Variants in ITPR2 observed in about 807,000 individuals in gnomAD.
ITPR2 encodes inositol 1,4,5-trisphosphate-gated calcium channel ITPR2.
Under a neutral mutation model 317.1 loss-of-function variants are expected in ITPR2, and 207 were observed. The ratio of observed to expected loss-of-function variants is 0.65; its 90% CI spans 0.58 to 0.73. The LOEUF (loss-of-function observed/expected upper bound fraction) is 0.73, where lower values mean the gene tolerates loss of function less well. Among genes scored for constraint, ITPR2 ranks in the 30% least tolerant of loss-of-function variants. The pLI is 0.00. For synonymous variants in ITPR2, 1,156 were observed against 1,149.1 expected (o/e 1.01, Z -0.12); for missense variants, 2,613 against 3,284.0 (o/e 0.80, Z 4.99).
At chr12:26,653,859 T>A in intron 21 of ITPR2, 117 bp downstream of exon 21, 2 of 738,218 alleles carry the variant, frequency 2.7e-6, no homozygotes, top group South Asian at 1.8e-5. Flanking sequence ...AGGAATTGTG[T>A]TCATATGCAC....
chr12:26,675,016 A>G (rs537456583), intron 13 of ITPR2, among the ~76,000 whole-genome samples: 1 of 152,354 alleles, frequency 6.6e-6, no homozygotes, highest in Non-Finnish European at 1.5e-5. Context: ...CACACCAGTT[A>G]GAATGGCAAT....
At chr12:26,344,119 C>T (rs1004535487) in intron 55 of ITPR2, among the ~76,000 whole-genome samples, 13 of 152,046 alleles carry the variant, frequency 8.6e-5, no homozygotes, top group Non-Finnish European at 5.9e-5. Flanking sequence ...AGCAAGAAGG[C>T]CCTCACCAGA....
chr12:26,679,839 G>A (rs917776422), intron 13 of ITPR2, among the ~76,000 whole-genome samples: 2 of 151,914 alleles, frequency 1.3e-5, no homozygotes, highest in Non-Finnish European at 2.9e-5. Context: ...AAGTCCAAAT[G>A]TTCAGGCTAT....
intron 34 of ITPR2, among the ~76,000 whole-genome samples, chr12:26,577,325 G>A (rs759768336): frequency 3.3e-5 from 5 of 152,244 alleles, no homozygotes; most frequent in Non-Finnish European, 7.3e-5. Flanking sequence ...CTGAGGTGAG[G>A]AGGGTATGTG....
intron 37 of ITPR2, among the ~76,000 whole-genome samples, chr12:26,540,438 C>A (rs1281037176): frequency 6.6e-6 from 1 of 152,022 alleles, no homozygotes; most frequent in African/African-American, 2.4e-5. Flanking sequence ...GTTCCTTATT[C>A]TCTTCTCCTT....
intron 45 of ITPR2, among the ~76,000 whole-genome samples, chr12:26,466,105 A>C (rs1942164520): frequency 6.6e-6 from 1 of 152,198 alleles, no homozygotes; most frequent in South Asian, 2.1e-4. Context: ...CTATAAGGTG[A>C]ATATAATATC....
At chr12:26,458,713 A>C (rs1463846587) in intron 45 of ITPR2, among the ~76,000 whole-genome samples, 2 of 152,250 alleles carry the variant, frequency 1.3e-5, no homozygotes, top group African/African-American at 4.8e-5. Context: ...AAAACTACAA[A>C]GACATGAGTT....
intron 21 of ITPR2, among the ~76,000 whole-genome samples, chr12:26,653,593 C>G (rs1947307413): frequency 6.6e-6 from 1 of 152,186 alleles, no homozygotes; most frequent in African/African-American, 2.4e-5. Flanking sequence ...AATCTATTCT[C>G]TCTTTGACAC....
At chr12:26,445,272 A>G (rs1941581098) in intron 45 of ITPR2, among the ~76,000 whole-genome samples, 1 of 152,192 alleles carries the variant, frequency 6.6e-6, no homozygotes, top group Non-Finnish European at 1.5e-5. Flanking sequence ...GGTTTTGGAC[A>G]TATGAAGCTT....
chr12:26,729,482 T>C (rs1389584446), intron 2 of ITPR2, among the ~76,000 whole-genome samples: 3 of 152,170 alleles, frequency 2.0e-5, no homozygotes, highest in Non-Finnish European at 2.9e-5. Context: ...TAAATCATTC[T>C]GTTATGAAGA....
chr12:26,607,637 C>T (rs916510835), intron 26 of ITPR2, among the ~76,000 whole-genome samples: 2 of 152,140 alleles, frequency 1.3e-5, no homozygotes, highest in African/African-American at 2.4e-5. Flanking sequence ...CCACAATGGG[C>T]AGAAGAGGCT....
At chr12:26,668,939 T>A (rs1947688046) in intron 13 of ITPR2, among the ~76,000 whole-genome samples, 1 of 151,956 alleles carries the variant, frequency 6.6e-6, no homozygotes, top group South Asian at 2.1e-4. Flanking sequence ...GGCAACATAG[T>A]GAAACCCGTT....
In ITPR2 at chr12:26,336,978, CTGT is replaced by C. The variant is rs1190358043; in HGVS notation, c.*2416_*2418del. ...TTTTGTCTGCTTCGATTTTTTGTTG[CTGT>C]TTTTTTTTTTTTTGCTTTATAATTT... On this transcript the variant is annotated 3_prime_UTR_variant, in exon 57 of 57. Coordinates refer to ENST00000381340, the MANE Select transcript of ITPR2 (RefSeq NM_002223.4). 1 of 24,264 alleles carries C rather than the reference CTGT, an allele frequency of 4.1e-5. No homozygotes were observed. The highest frequency in any genetic ancestry group is 1.1e-4 in the Non-Finnish European group (1 of 9,372). The allele number at this position is 24,264 out of a possible 1,614,324, so 1.5% of individuals were successfully genotyped here.
intron 1 of ITPR2, among the ~76,000 whole-genome samples, chr12:26,806,505 CCACT>C (rs1235709034): frequency 6.6e-6 from 1 of 152,098 alleles, no homozygotes; most frequent in Non-Finnish European, 1.5e-5. Context: ...AACTGACCAC[CCACT>C]GTGTGTCAAG....
intron 37 of ITPR2, among the ~76,000 whole-genome samples, chr12:26,509,958 T>TTTTTTGTG (rs1247091708): frequency 1.9e-5 from 1 of 53,262 alleles, no homozygotes; most frequent in East Asian, 5.9e-4. Context: ...GATAAGGGTT[T>TTTTTTGTG]TGTGTGTGTG....
chr12:26,458,911 G>A (rs1200197731), intron 45 of ITPR2, among the ~76,000 whole-genome samples: 1 of 152,170 alleles, frequency 6.6e-6, no homozygotes, highest in African/African-American at 2.4e-5. Context: ...CGACCCCACT[G>A]ACATTTAATT....
chr12:26,694,761 G>A (rs751268524), intron 10 of ITPR2, among the ~76,000 whole-genome samples: 6 of 152,126 alleles, frequency 3.9e-5, no homozygotes, highest in East Asian at 1.9e-4. Context: ...CACCCAGTGC[G>A]CTAAAATTGA....
intron 2 of ITPR2, among the ~76,000 whole-genome samples, chr12:26,753,262 T>A (rs1949458310): frequency 6.6e-6 from 1 of 152,188 alleles, no homozygotes; most frequent in Admixed American, 6.5e-5. Flanking sequence ...GTAAAGTCCC[T>A]CTTGGTAAAG....
intron 55 of ITPR2, among the ~76,000 whole-genome samples, chr12:26,345,646 C>T (rs1019580920): frequency 6.6e-6 from 1 of 152,198 alleles, no homozygotes; most frequent in African/African-American, 2.4e-5. Context: ...CATTCTTACA[C>T]AGTGAATATG....
Sources: gnomAD v4.1 joint callset for allele counts (sites outside exome capture counted in the v4.1 genomes callset) on GRCh38, gnomAD v4.1.1 for gene constraint, MANE v1.5 for transcripts, NCBI Gene and HGNC (gene_info 2026-07-23, HGNC 2026-07-21) for gene names.